AGMO: variants seen among roughly 807,000 people sequenced by gnomAD.
AGMO encodes glyceryl-ether monooxygenase.
AGMO carries 75 observed loss-of-function variants against 60.2 expected under a neutral mutation model. That is an observed-to-expected ratio of 1.25 (90% CI 1.03 to 1.51). The LOEUF is 1.51. AGMO is among the 40% of genes most tolerant of loss of function. AGMO has a pLI of 0.00. For missense variants in AGMO, 763 were observed against 525.5 expected (o/e 1.45, Z -4.42); for synonymous variants, 261 against 177.1 (o/e 1.47, Z -3.76).
At chr7:15,130,534 G>C in the AGMO span, among the ~76,000 whole-genome samples, 4 of 152,124 alleles carry the variant, frequency 2.6e-5, no homozygotes, top group East Asian at 7.7e-4. Context: ...TCACAAAAAG[G>C]TTCTCTAATT....
the AGMO span, among the ~76,000 whole-genome samples, chr7:15,121,257 T>C: frequency 1.3e-5 from 2 of 152,188 alleles, no homozygotes; most frequent in African/African-American, 2.4e-5. Flanking sequence ...GTCTTTGCTA[T>C]TGTAAATAGT....
At chr7:15,337,314 G>T (rs761766867) in intron 12 of AGMO, among the ~76,000 whole-genome samples, 1 of 152,132 alleles carries the variant, frequency 6.6e-6, no homozygotes, top group African/African-American at 2.4e-5. Context: ...TTTAATAACA[G>T]AATATATTTC....
At chr7:15,552,193 A>C (rs1017070366) in intron 2 of AGMO, among the ~76,000 whole-genome samples, 1 of 151,946 alleles carries the variant, frequency 6.6e-6, no homozygotes, top group African/African-American at 2.4e-5. Flanking sequence ...AGACTTAAAC[A>C]TTAGACCTAA....
intron 12 of AGMO, among the ~76,000 whole-genome samples, chr7:15,289,465 T>A (rs918993596): frequency 4.6e-5 from 7 of 152,128 alleles, no homozygotes; most frequent in Admixed American, 1.3e-4. Context: ...AGTAACAGTA[T>A]TACAATAATG....
the AGMO span, among the ~76,000 whole-genome samples, chr7:15,155,772 T>C: frequency 3.3e-5 from 5 of 152,266 alleles, no homozygotes; most frequent in South Asian, 6.2e-4. Flanking sequence ...CGATGTTCCT[T>C]TAATTTTTGA....
intron 12 of AGMO, among the ~76,000 whole-genome samples, chr7:15,302,163 G>C (rs1397879523): frequency 6.6e-6 from 1 of 152,036 alleles, no homozygotes. Context: ...GAATTAATTG[G>C]TACTTATTAG....
intron 12 of AGMO, among the ~76,000 whole-genome samples, chr7:15,271,855 T>C (rs939948510): frequency 6.6e-6 from 1 of 152,150 alleles, no homozygotes; most frequent in African/African-American, 2.4e-5. Flanking sequence ...ATGACTGGTT[T>C]GTGGAGGGTT....
At chr7:15,375,532 G>A (rs1783416233) in intron 10 of AGMO, among the ~76,000 whole-genome samples, 1 of 151,710 alleles carries the variant, frequency 6.6e-6, no homozygotes, top group Admixed American at 6.6e-5. Flanking sequence ...GAGTAGCTGG[G>A]ATTACAGACA....
At chr7:15,398,437 C>A (rs1306268475) in intron 5 of AGMO, among the ~76,000 whole-genome samples, 2 of 152,124 alleles carry the variant, frequency 1.3e-5, no homozygotes, top group Non-Finnish European at 1.5e-5. Flanking sequence ...CTATGAGTAC[C>A]TTGGAGCTGG....
At chr7:15,140,681 T>C in the AGMO span, among the ~76,000 whole-genome samples, 1 of 152,118 alleles carries the variant, frequency 6.6e-6, no homozygotes, top group Non-Finnish European at 1.5e-5. Context: ...TATATTAAGG[T>C]TTTGATTATT....
chr7:15,448,895 G>A (rs1314077780), intron 3 of AGMO, among the ~76,000 whole-genome samples: 1 of 152,146 alleles, frequency 6.6e-6, no homozygotes, highest in Non-Finnish European at 1.5e-5. Flanking sequence ...TCCTTACAAT[G>A]TGTTAGTTCT....
chr7:15,555,070 G>T (rs999517835), intron 2 of AGMO, among the ~76,000 whole-genome samples: 2 of 151,506 alleles, frequency 1.3e-5, no homozygotes, highest in Non-Finnish European at 2.9e-5. Context: ...ATACAAATCT[G>T]CCAATTTATA....
At chr7:15,163,076 G>A in the AGMO span, among the ~76,000 whole-genome samples, 1,980 of 152,004 alleles carry the variant, frequency 0.013, 23 homozygotes, top group Non-Finnish European at 0.019. Flanking sequence ...TTGATTTTGC[G>A]GGGGCTTATT....
chr7:15,430,887 G>C (rs1781216097), intron 4 of AGMO, 118 bp downstream of exon 4: 1 of 578,446 alleles, frequency 1.7e-6, no homozygotes, highest in Non-Finnish European at 2.9e-6. Context: ...AGAAAGAAGA[G>C]AGAAGCATTT....
intron 12 of AGMO, among the ~76,000 whole-genome samples, chr7:15,309,487 T>G (rs1269270793): frequency 1.3e-5 from 2 of 152,170 alleles, no homozygotes; most frequent in African/African-American, 2.4e-5. Flanking sequence ...AAATGTACTT[T>G]TCTCCATTTC....
intron 2 of AGMO, among the ~76,000 whole-genome samples, chr7:15,555,074 A>G (rs1018963274): frequency 6.6e-6 from 1 of 151,846 alleles, no homozygotes; most frequent in African/African-American, 2.4e-5. Context: ...AAATCTGCCA[A>G]TTTATATTAT....
chr7:15,459,821 T>C (rs1782098021), intron 3 of AGMO, among the ~76,000 whole-genome samples: 1 of 152,038 alleles, frequency 6.6e-6, no homozygotes, highest in Admixed American at 6.6e-5. Flanking sequence ...GTAGAAAAAC[T>C]AAAAATTATT....
the AGMO span, among the ~76,000 whole-genome samples, chr7:15,123,020 T>G: frequency 6.6e-6 from 1 of 152,116 alleles, no homozygotes; most frequent in Admixed American, 6.6e-5. Context: ...ATCCCTGTCA[T>G]GCTTTCTTTT....
intron 8 of AGMO, 144 bp from the exon 9 acceptor site, chr7:15,387,684 T>C (rs58268106): frequency 0.063 from 42,663 of 679,000 alleles, 5,556 homozygotes; most frequent in African/African-American, 0.43. Flanking sequence ...AAATGTGTAA[T>C]TGCATTCCAT....
Sources: allele counts gnomAD v4.1 joint callset (sites outside exome capture counted in the v4.1 genomes callset), GRCh38; gene constraint gnomAD v4.1.1; transcripts MANE v1.5; gene names NCBI Gene and HGNC (gene_info 2026-07-23, HGNC 2026-07-21).